CNPY1: variants seen among roughly 807,000 people sequenced by gnomAD.
The protein encoded by CNPY1 is canopy FGF signaling regulator 1, also known as protein canopy homolog 1.
A neutral mutation model predicts 14.4 loss-of-function variants in CNPY1; 14 were observed. That is an observed-to-expected ratio of 0.97 (90% confidence interval 0.64 to 1.52). The LOEUF is 1.52. Among genes scored for constraint, CNPY1 ranks in the 40% most tolerant of loss-of-function variants. CNPY1 has a pLI of 0.00. For missense variants in CNPY1, 129 were observed against 131.5 expected (o/e 0.98, Z 0.09); for synonymous variants, 43 against 46.5 (o/e 0.92, Z 0.31).
intron 2 of CNPY1, among the ~76,000 whole-genome samples, chr7:155,542,084 T>C (rs1462506843): frequency 2.0e-5 from 3 of 152,104 alleles, no homozygotes; most frequent in Non-Finnish European, 4.4e-5. Context: ...TAGAAGCCGG[T>C]GCAGAACACG....
At chr7:155,544,531 C>A (rs1053651898) in intron 2 of CNPY1, among the ~76,000 whole-genome samples, 1 of 152,230 alleles carries the variant, frequency 6.6e-6, no homozygotes, top group Non-Finnish European at 1.5e-5. Context: ...CTGGCACACA[C>A]CCCCACATTA....
At chr7:155,505,109 G>A (rs936720124) in intron 4 of CNPY1, among the ~76,000 whole-genome samples, 4 of 152,120 alleles carry the variant, frequency 2.6e-5, no homozygotes, top group African/African-American at 9.7e-5. Context: ...CTTTTTGAGT[G>A]GGTGGGAGAA....
At chr7:155,526,232 C>A (rs183734000) in intron 2 of CNPY1, among the ~76,000 whole-genome samples, 44 of 152,218 alleles carry the variant, frequency 2.9e-4, no homozygotes, top group African/African-American at 9.9e-4. Context: ...TGTGGGGGAG[C>A]AAGGCTTATT....
chr7:155,527,783 C>T (rs1796856691), intron 2 of CNPY1, among the ~76,000 whole-genome samples: 1 of 152,114 alleles, frequency 6.6e-6, no homozygotes, highest in South Asian at 2.1e-4. Flanking sequence ...TATTTGAAAA[C>T]CCACATAGAG....
chr7:155,541,864 G>A (rs1461127190), intron 2 of CNPY1, among the ~76,000 whole-genome samples: 3 of 152,176 alleles, frequency 2.0e-5, no homozygotes, highest in Non-Finnish European at 2.9e-5. Context: ...CAGAAACCAC[G>A]GCAGCCCTAT....
At chr7:155,528,489 A>T (rs893437898) in intron 2 of CNPY1, among the ~76,000 whole-genome samples, 6 of 152,178 alleles carry the variant, frequency 3.9e-5, no homozygotes, top group Non-Finnish European at 8.8e-5. Flanking sequence ...CCAAGCTGGG[A>T]TCACTTCTTC....
chr7:155,522,370 A>T (rs1273979355), intron 2 of CNPY1, among the ~76,000 whole-genome samples: 1 of 152,372 alleles, frequency 6.6e-6, no homozygotes, highest in Admixed American at 6.5e-5. Context: ...CATGTGGCGC[A>T]CACTCTGTAA....
At chr7:155,542,673 C>G (rs911716471) in intron 2 of CNPY1, among the ~76,000 whole-genome samples, 3 of 152,250 alleles carry the variant, frequency 2.0e-5, no homozygotes, top group Non-Finnish European at 4.4e-5. Context: ...GCTGAGAGGA[C>G]ATGCAGGCTG....
At chr7:155,522,672 G>A (rs1585318121) in intron 2 of CNPY1, among the ~76,000 whole-genome samples, 2 of 150,870 alleles carry the variant, frequency 1.3e-5, no homozygotes, top group East Asian at 3.9e-4. Flanking sequence ...TGGAGGTGCT[G>A]GGATACCTCC....
At position 155,501,392 on chromosome 7, in the gene CNPY1, G is replaced by A. The variant is rs1796103295; in HGVS notation, c.*1676C>T. 2 of 152,174 alleles carry A rather than the reference G, an allele frequency of 1.3e-5. No homozygotes were observed. Among genetic ancestry groups the A allele is most frequent in the Non-Finnish European group, 1.5e-5 (1 of 68,038 alleles). The allele number at this position is 152,174 out of a possible 1,614,324, so 9.4% of individuals were successfully genotyped here. On this transcript the variant is annotated 3_prime_UTR_variant, in exon 5 of 5. Coordinates refer to ENST00000636446, the MANE Select transcript of CNPY1 (RefSeq NM_001393663.1). ...CCTACATTTGAGAATGTTTGATGAT[G>A]ATCAAAGAGAGTATGGAAACAGATT...
chr7:155,534,446 C>T (rs538055794), intron 2 of CNPY1, among the ~76,000 whole-genome samples: 29 of 152,346 alleles, frequency 1.9e-4, no homozygotes, highest in Middle Eastern at 3.4e-3. Context: ...TGCATGTGCA[C>T]ACACAGACAC....
rs1796806989 is a variant in CNPY1 at position 155,525,685 on chromosome 7, T to C, written c.100-16588A>G. 2.6e-5 allele frequency among the ~76,000 whole-genome samples: 4 copies of C among 152,212 alleles called. No homozygotes were observed. In the South Asian group the frequency reaches 6.2e-4, roughly 24 times the overall value. On this transcript the variant is annotated intron_variant, in intron 2 of 4. Coordinates refer to ENST00000636446, the MANE Select transcript of CNPY1 (RefSeq NM_001393663.1). ...AAGCTACTGTCTGGATAAACAGGGC[T>C]TCCTAGACCCCAAAGCCACACTATT...
intron 2 of CNPY1, among the ~76,000 whole-genome samples, chr7:155,527,125 C>A (rs919566567): frequency 6.9e-6 from 1 of 144,298 alleles, no homozygotes; most frequent in Admixed American, 7.2e-5. Context: ...GATTTCAGCT[C>A]ACTGCAACCT....
chr7:155,507,471 T>TAAAAAAAAA (rs35711313), intron 3 of CNPY1, among the ~76,000 whole-genome samples: 545 of 54,018 alleles, frequency 0.01, 31 homozygotes, highest in African/African-American at 0.02. Flanking sequence ...GTTTTTAAAC[T>TAAAAAAAAA]AAAAAAAAAA....
intron 2 of CNPY1, chr7:155,510,598 C>T (rs1796507712): frequency 1.3e-5 from 2 of 152,182 alleles, no homozygotes; most frequent in Admixed American, 6.5e-5. Flanking sequence ...GAATATACCA[C>T]CACACGTATC....
At position 155,536,892 on chromosome 7, in the gene CNPY1, A is replaced by G. The variant is rs1797031073; in HGVS notation, c.99+8939T>C. ...GAATCATGCCAGCAATTTAAATAAA[A>G]ATGAGTGATGGTGTTTCTCTTTTTA... is the stretch of plus-strand genomic sequence containing the variant. On this transcript the variant is annotated intron_variant, in intron 2 of 4. Transcript: ENST00000636446. The surrounding 1 kb of genome is among the most constrained non-coding windows in gnomAD (Gnocchi z 4.1). Among the ~76,000 whole-genome samples the G allele has an allele frequency of 6.6e-6, 1 of 152,254 alleles. No individual in the cohort carries two copies. Among genetic ancestry groups the G allele is most frequent in the South Asian group, 2.1e-4 (1 of 4,830 alleles).
At chr7:155,529,600 C>A (rs908835496) in intron 2 of CNPY1, among the ~76,000 whole-genome samples, 3 of 152,090 alleles carry the variant, frequency 2.0e-5, no homozygotes, top group African/African-American at 7.2e-5. Flanking sequence ...CCTCCCAGGG[C>A]CCTTGGCATT....
chr7:155,522,734 C>T (rs1270027802), intron 2 of CNPY1, among the ~76,000 whole-genome samples: 1 of 152,214 alleles, frequency 6.6e-6, no homozygotes, highest in Non-Finnish European at 1.5e-5. Flanking sequence ...GCACACTCCC[C>T]TGGTTACTTC....
chr7:155,542,353 G>A (rs1797094220), intron 2 of CNPY1, among the ~76,000 whole-genome samples: 1 of 152,134 alleles, frequency 6.6e-6, no homozygotes, highest in Non-Finnish European at 1.5e-5. Context: ...CCCCAACCAT[G>A]GTCAGAGCAC....
Sources: gnomAD v4.1 joint callset for allele counts (sites outside exome capture counted in the v4.1 genomes callset) on GRCh38, gnomAD v4.1.1 for gene constraint, Gnocchi (gnomAD v3.1) non-coding constraint, MANE v1.5 for transcripts, NCBI Gene and HGNC (gene_info 2026-07-23, HGNC 2026-07-21) for gene names.